HS6ST3: variants seen among roughly 807,000 people sequenced by gnomAD.
The protein encoded by HS6ST3 is heparan-sulfate 6-O-sulfotransferase 3.
Under a neutral mutation model 36.7 loss-of-function variants are expected in HS6ST3, and 12 were observed. The ratio of observed to expected loss-of-function variants is 0.33; its 90% CI spans 0.21 to 0.53. The LOEUF (loss-of-function observed/expected upper bound fraction) is 0.53. Ranked by LOEUF, HS6ST3 falls within the 20% of genes least tolerant of loss-of-function variation. The probability of loss-of-function intolerance (pLI) is 0.95; values close to 1 mark genes in which losing one functional copy is unlikely to be tolerated. For missense variants in HS6ST3, 584 were observed against 640.9 expected (o/e 0.91, Z 0.96); for synonymous variants, 240 against 257.5 (o/e 0.93, Z 0.65).
chr13:96,413,487 G>A (rs1441652957), intron 1 of HS6ST3, among the ~76,000 whole-genome samples: 3 of 152,206 alleles, frequency 2.0e-5, no homozygotes, highest in Non-Finnish European at 1.5e-5. Context: ...ATGCAAATTA[G>A]TTAAGACTTT....
chr13:96,263,339 AAGGAGCCC>A (rs1396972737), intron 1 of HS6ST3, among the ~76,000 whole-genome samples: 1 of 152,216 alleles, frequency 6.6e-6, no homozygotes, highest in Non-Finnish European at 1.5e-5. Context: ...TTGAGAGTTC[AAGGAGCCC>A]AGGTTGAGAA....
chr13:96,474,792 A>G (rs1429804426), intron 1 of HS6ST3, among the ~76,000 whole-genome samples: 1 of 152,174 alleles, frequency 6.6e-6, no homozygotes, highest in Non-Finnish European at 1.5e-5. Context: ...CTCTATCTAG[A>G]CTAGTTTTAA....
chr13:96,355,610 A>G (rs1003072894), intron 1 of HS6ST3, among the ~76,000 whole-genome samples: 52 of 150,094 alleles, frequency 3.5e-4, no homozygotes, highest in Non-Finnish European at 6.2e-4. Context: ...TTTTTTAACT[A>G]TTTTAATGCT....
intron 1 of HS6ST3, among the ~76,000 whole-genome samples, chr13:96,674,136 C>T (rs886994814): frequency 2.0e-5 from 3 of 151,912 alleles, no homozygotes; most frequent in African/African-American, 7.3e-5. Context: ...GTGTGGCTTC[C>T]CCTTGCTGTT....
In HS6ST3 at chr13:96,834,870, G is replaced by C. The variant is rs976924698; in HGVS notation, c.*1672G>C. 3.1e-4 allele frequency: 47 copies of C among 152,746 alleles called. No individual in the cohort carries two copies. Among genetic ancestry groups the C allele is most frequent in the African/African-American group, 1.1e-3 (46 of 41,556 alleles). The allele number at this position is 152,746 out of a possible 1,614,324, so 9.5% of individuals were successfully genotyped here. A position where few individuals can be genotyped will look rare whatever the true frequency, so the allele number is the denominator to read the frequency against. On this transcript the variant is annotated 3_prime_UTR_variant, in exon 2 of 2. Coordinates refer to ENST00000376705, the MANE Select transcript of HS6ST3 (RefSeq NM_153456.4). ...AGCAGCTCCACCAGATAGAGATCTGGAGATGCTTCTCTCACTGTGCTTGGC... is the reference window on the plus strand; with the variant it reads ...AGCAGCTCCACCAGATAGAGATCTGCAGATGCTTCTCTCACTGTGCTTGGC...
intron 1 of HS6ST3, among the ~76,000 whole-genome samples, chr13:96,315,455 T>C (rs533495062): frequency 6.6e-6 from 1 of 152,250 alleles, no homozygotes; most frequent in South Asian, 2.1e-4. Flanking sequence ...TTTAGAACAA[T>C]AACTCTGGTA....
intron 1 of HS6ST3, among the ~76,000 whole-genome samples, chr13:96,604,109 G>A (rs565945506): frequency 1.5e-4 from 23 of 152,286 alleles, no homozygotes; most frequent in South Asian, 4.1e-4. Context: ...TATAGGAGCA[G>A]TTCTGGCTGT....
At position 96,450,859 on chromosome 13, in the gene HS6ST3, C is replaced by T. The variant is rs561024183; in HGVS notation, c.707+359290C>T. On this transcript the variant is annotated intron_variant, in intron 1 of 1. Coordinates refer to ENST00000376705, the MANE Select transcript of HS6ST3 (RefSeq NM_153456.4). ...TATGATACTAGAAAAACAGTCTGGG[C>T]GGGTATCAAATATGCTGGTGTTAGA... Among the ~76,000 whole-genome samples the T allele has an allele frequency of 1.2e-4, 18 of 152,188 alleles. No homozygotes were observed. The South Asian group carries it at 1.9e-3, about 16-fold the overall frequency.
intron 1 of HS6ST3, among the ~76,000 whole-genome samples, chr13:96,200,230 C>T (rs2054334658): frequency 6.6e-6 from 1 of 152,188 alleles, no homozygotes; most frequent in Non-Finnish European, 1.5e-5. Flanking sequence ...CAATGGCTGC[C>T]CATTTCACTC....
intron 1 of HS6ST3, among the ~76,000 whole-genome samples, chr13:96,285,332 A>G (rs1187926522): frequency 6.6e-6 from 1 of 152,206 alleles, no homozygotes; most frequent in Non-Finnish European, 1.5e-5. Flanking sequence ...TAACTTCCAG[A>G]GAGACTAAAA....
At chr13:96,592,825 G>A (rs2056387547) in intron 1 of HS6ST3, among the ~76,000 whole-genome samples, 1 of 151,966 alleles carries the variant, frequency 6.6e-6, no homozygotes, top group Non-Finnish European at 1.5e-5. Flanking sequence ...TCCATTGTAT[G>A]TTATTTGTCA....
chr13:96,245,888 G>A (rs1157053131), intron 1 of HS6ST3, among the ~76,000 whole-genome samples: 1 of 152,020 alleles, frequency 6.6e-6, no homozygotes, highest in Admixed American at 6.6e-5. Context: ...TGAGAATGTG[G>A]GAATAGGGGA....
chr13:96,692,716 GC>G (rs1431962085), intron 1 of HS6ST3, among the ~76,000 whole-genome samples: 3 of 152,066 alleles, frequency 2.0e-5, no homozygotes, highest in Non-Finnish European at 2.9e-5. Flanking sequence ...TTCTGGAATA[GC>G]TTTTATTGTT....
intron 1 of HS6ST3, among the ~76,000 whole-genome samples, chr13:96,115,068 A>G (rs1192166032): frequency 1.3e-5 from 2 of 152,040 alleles, no homozygotes; most frequent in Non-Finnish European, 2.9e-5. Context: ...TCCTGCCTCC[A>G]TTTCTGTGTG....
intron 1 of HS6ST3, among the ~76,000 whole-genome samples, chr13:96,273,439 G>A (rs2054731053): frequency 6.6e-6 from 1 of 151,938 alleles, no homozygotes; most frequent in South Asian, 2.1e-4. Context: ...AGTAGGGTAA[G>A]CATATAATTT....
At chr13:96,459,169 A>G (rs2055770143) in intron 1 of HS6ST3, among the ~76,000 whole-genome samples, 1 of 149,568 alleles carries the variant, frequency 6.7e-6, no homozygotes, top group South Asian at 2.1e-4. Context: ...TTTGTAATTG[A>G]TCCTGGCAGG....
At position 96,444,661 on chromosome 13, in the gene HS6ST3, C is replaced by T. The variant is rs1594781777; in HGVS notation, c.707+353092C>T. On this transcript the variant is annotated intron_variant, in intron 1 of 1. Coordinates refer to ENST00000376705, the MANE Select transcript of HS6ST3 (RefSeq NM_153456.4). ...AATATGATACAAAATGATAGGGTTT[C>T]TTATGTAGGAATATATTTAGTAGGG... Among the ~76,000 whole-genome samples, 3 of 152,182 alleles carry T rather than the reference C, an allele frequency of 2.0e-5. No homozygotes were observed. In the East Asian group the frequency reaches 5.8e-4, roughly 29 times the overall value.
chr13:96,474,693 A>C (rs2055855204), intron 1 of HS6ST3, among the ~76,000 whole-genome samples: 1 of 152,216 alleles, frequency 6.6e-6, no homozygotes, highest in South Asian at 2.1e-4. Context: ...AAGAGAAATC[A>C]GAAGCCCAGA....
intron 1 of HS6ST3, among the ~76,000 whole-genome samples, chr13:96,500,455 A>G (rs2055998711): frequency 6.6e-6 from 1 of 152,216 alleles, no homozygotes; most frequent in Admixed American, 6.5e-5. Context: ...TGTGAGCAGA[A>G]TGACCTCTGT....
Sources: gnomAD v4.1 joint callset for allele counts (sites outside exome capture counted in the v4.1 genomes callset) on GRCh38, gnomAD v4.1.1 for gene constraint, MANE v1.5 for transcripts, NCBI Gene and HGNC (gene_info 2026-07-23, HGNC 2026-07-21) for gene names.